LRP2: variants seen among roughly 807,000 people sequenced by gnomAD.
LRP2 encodes low-density lipoprotein receptor-related protein 2.
In LRP2, 172 loss-of-function variants were observed where a neutral mutation model predicts 531.0. That is an observed-to-expected ratio of 0.32 (90% CI 0.29 to 0.37). The LOEUF is 0.37. LRP2 is among the 10% of genes least tolerant of loss of function. The pLI is 1.00. For synonymous variants in LRP2, 1,992 were observed against 2,027.6 expected (o/e 0.98, Z 0.47); for missense variants, 5,167 against 5,868.3 (o/e 0.88, Z 3.90).
At chr2:169,351,280 G>GA (rs558812341) in intron 1 of LRP2, among the ~76,000 whole-genome samples, 56 of 152,172 alleles carry the variant, frequency 3.7e-4, no homozygotes, top group African/African-American at 1.3e-3. Flanking sequence ...ATGGATTTGA[G>GA]AAAAAATTGA....
intron 28 of LRP2, 150 bp from the exon 29 acceptor site, chr2:169,236,218 C>T: frequency 1.4e-6 from 1 of 705,904 alleles, no homozygotes; most frequent in Non-Finnish European, 2.4e-6. Flanking sequence ...ATTGTTTCCT[C>T]TAAGTGTCAC....
chr2:169,247,532 G>A lies in LRP2; in HGVS notation c.2771-17C>T. Reference sequence around the variant, plus strand: ...ATAAATGCTCTGAAAAGAAACATGGGTAGATTAGTATTTTCAGTCACAGCT... The same window carrying A: ...ATAAATGCTCTGAAAAGAAACATGGATAGATTAGTATTTTCAGTCACAGCT... On this transcript the variant is annotated splice_polypyrimidine_tract_variant and intron_variant, in intron 19 of 78. Transcript: ENST00000649046. The A allele has an allele frequency of 6.2e-7, 1 of 1,613,742 alleles. No individual in the cohort carries two copies. Among genetic ancestry groups the A allele is most frequent in the African/African-American group, 1.3e-5 (1 of 75,030 alleles).
chr2:169,173,671 C>G (rs1186057412), intron 56 of LRP2, among the ~76,000 whole-genome samples: 1 of 152,156 alleles, frequency 6.6e-6, no homozygotes, highest in Non-Finnish European at 1.5e-5. Flanking sequence ...TTCTTGGTAT[C>G]ATATTCTGGT....
chr2:169,285,976 A>G (rs1474236330), intron 9 of LRP2, among the ~76,000 whole-genome samples: 3 of 152,242 alleles, frequency 2.0e-5, no homozygotes, highest in Non-Finnish European at 2.9e-5. Flanking sequence ...AGAGGGTTAT[A>G]GCCATACAGA....
intron 25 of LRP2, among the ~76,000 whole-genome samples, chr2:169,240,262 G>A (rs559737094): frequency 5.3e-5 from 8 of 152,244 alleles, no homozygotes; most frequent in Admixed American, 2.0e-4. Flanking sequence ...ACACAGATCC[G>A]GTAACATATC....
At chr2:169,318,125 C>A (rs1684815661) in intron 3 of LRP2, among the ~76,000 whole-genome samples, 1 of 151,630 alleles carries the variant, frequency 6.6e-6, no homozygotes, top group Non-Finnish European at 1.5e-5. Flanking sequence ...TATTGTTAGA[C>A]CTATTAAAAC....
At chr2:169,139,781 A>G in intron 72 of LRP2, 171 bp from the exon 73 acceptor site, 1 of 702,418 alleles carries the variant, frequency 1.4e-6, no homozygotes, top group Non-Finnish European at 2.6e-6. Context: ...ACAAGCAGAA[A>G]GAACAGTGCT....
intron 45 of LRP2, among the ~76,000 whole-genome samples, chr2:169,198,354 C>A (rs1049962254): frequency 6.6e-6 from 1 of 151,980 alleles, no homozygotes; most frequent in African/African-American, 2.4e-5. Context: ...GCAGAGGCTG[C>A]GGTGAGCTGT....
rs758037871 is a variant in LRP2, at chr2:169,142,811, ACAG to A, written c.12989-21_12989-19del. 1 of 1,613,540 alleles carries A rather than the reference ACAG, an allele frequency of 6.2e-7. No homozygotes were observed. Among genetic ancestry groups the A allele is most frequent in the South Asian group, 1.1e-5 (1 of 91,028 alleles). On this transcript the variant is annotated intron_variant, in intron 70 of 78. Transcript: ENST00000649046. ...GTTGGGCACTGGAAAGCGGGTGAGA[ACAG>A]CAGTTAGGTCCTGACAGAATGAATA...
chr2:169,171,245 G>A (rs532544134), intron 58 of LRP2, among the ~76,000 whole-genome samples: 13 of 152,250 alleles, frequency 8.5e-5, no homozygotes, highest in African/African-American at 2.9e-4. Context: ...CGCAAGTGGT[G>A]ATCACTTTTT....
In LRP2 at chr2:169,239,650, T is replaced by C; in HGVS notation, c.4171A>G (p.Ile1391Val). The C allele has an allele frequency of 6.2e-7, 1 of 1,614,062 alleles. No homozygotes were observed. Among genetic ancestry groups the C allele is most frequent in the Non-Finnish European group, 8.5e-7 (1 of 1,179,894 alleles). ...GAGCCTAGAATATCACATTCATCTA[T>C]GTCTTCACAGGTCTTAGAATCATTG... ...LANDSKTCED[I>V]DECDILGSCS... Residue 1391 changes from isoleucine to valine, a missense_variant, in exon 26 of 79, where the codon ATA becomes GTA. Physicochemically the swap from Ile to Val is conservative, Grantham distance 29. This residue lies in a region of LRP2 where 2,811 missense variants were observed against 3,058.0 expected (regional missense o/e 0.92). Coordinates refer to ENST00000649046, the MANE Select transcript of LRP2 (RefSeq NM_004525.3).
At chr2:169,167,437 C>T (rs899568780) in intron 61 of LRP2, among the ~76,000 whole-genome samples, 2 of 152,140 alleles carry the variant, frequency 1.3e-5, no homozygotes, top group African/African-American at 4.8e-5. Flanking sequence ...GGTCTTGTCT[C>T]CTAGGTTAAG....
At chr2:169,345,105 C>A (rs932672136) in intron 1 of LRP2, among the ~76,000 whole-genome samples, 5 of 152,050 alleles carry the variant, frequency 3.3e-5, no homozygotes, top group Non-Finnish European at 7.4e-5. Flanking sequence ...GTTAATTAAC[C>A]ACACTGACTT....
At chr2:169,191,621 C>T (rs374028280) in intron 48 of LRP2, among the ~76,000 whole-genome samples, 7 of 152,032 alleles carry the variant, frequency 4.6e-5, no homozygotes, top group Admixed American at 3.9e-4. Flanking sequence ...TGGTATAAAG[C>T]CAGATATATT....
chr2:169,360,324 A>G (rs1055012659), intron 1 of LRP2, among the ~76,000 whole-genome samples: 1 of 152,132 alleles, frequency 6.6e-6, no homozygotes, highest in Non-Finnish European at 1.5e-5. Flanking sequence ...ACTTACTTCC[A>G]AGGGATATTA....
intron 9 of LRP2, among the ~76,000 whole-genome samples, chr2:169,287,194 G>T (rs1340925394): frequency 6.6e-6 from 1 of 152,208 alleles, no homozygotes; most frequent in Non-Finnish European, 1.5e-5. Flanking sequence ...TAATGGTAAT[G>T]ATAACAATAA....
At chr2:169,146,676 G>T in intron 69 of LRP2, 63 bp downstream of exon 69, 1 of 1,377,308 alleles carries the variant, frequency 7.3e-7, no homozygotes, top group Non-Finnish European at 1.0e-6. Context: ...GAGAAAACAG[G>T]CAAAGACATT....
chr2:169,311,192 C>T (rs2105500292), intron 3 of LRP2, among the ~76,000 whole-genome samples: 1 of 152,194 alleles, frequency 6.6e-6, no homozygotes, highest in Non-Finnish European at 1.5e-5. Context: ...TTTTGTGTCT[C>T]CATCTCCTTC....
At chr2:169,343,061 T>A (rs1235046744) in intron 1 of LRP2, among the ~76,000 whole-genome samples, 2 of 152,190 alleles carry the variant, frequency 1.3e-5, no homozygotes, top group African/African-American at 4.8e-5. Context: ...AGAGGACACA[T>A]CTGACCTCCA....
Sources: gnomAD v4.1 joint callset for allele counts (sites outside exome capture counted in the v4.1 genomes callset) on GRCh38, gnomAD v4.1.1 for gene constraint, gnomAD v4.1.1 regional missense constraint, MANE v1.5 for transcripts, NCBI Gene and HGNC (gene_info 2026-07-23, HGNC 2026-07-21) for gene names.